The following PPP2R2B variants were observed in gnomAD, a reference collection of about 807,000 sequenced individuals.
The protein encoded by PPP2R2B is protein phosphatase 2 regulatory subunit Bbeta, also known as serine/threonine-protein phosphatase 2A 55 kDa regulatory subunit B beta isoform.
In PPP2R2B, 5 loss-of-function variants were observed where a neutral mutation model predicts 46.0. The observed-to-expected ratio is 0.11, with a 90% CI of 0.06 to 0.23. PPP2R2B has a LOEUF of 0.23. Ranked by LOEUF, PPP2R2B falls within the 10% of genes least tolerant of loss-of-function variation. The pLI is 1.00. For missense variants in PPP2R2B, 367 were observed against 575.0 expected (o/e 0.64, Z 3.70); for synonymous variants, 215 against 206.7 (o/e 1.04, Z -0.34).
chr5:146,819,552 A>T (rs1758134182), intron 2 of PPP2R2B, among the ~76,000 whole-genome samples: 1 of 152,202 alleles, frequency 6.6e-6, no homozygotes, highest in African/African-American at 2.4e-5. Flanking sequence ...AATTCCAGAA[A>T]ATGTACTATT....
intron 2 of PPP2R2B, among the ~76,000 whole-genome samples, chr5:146,877,239 A>C (rs1761947537): frequency 6.6e-6 from 1 of 152,144 alleles, no homozygotes; most frequent in African/African-American, 2.4e-5. Context: ...TTATGTCAGA[A>C]CAAGCTGGGA....
intron 2 of PPP2R2B, among the ~76,000 whole-genome samples, chr5:146,717,847 C>T (rs1417211004): frequency 1.3e-5 from 2 of 152,118 alleles, no homozygotes; most frequent in Admixed American, 6.5e-5. Context: ...AAACTAGTCC[C>T]CCGTCCTCCC....
At chr5:146,872,918 C>T (rs1761697110) in intron 2 of PPP2R2B, among the ~76,000 whole-genome samples, 1 of 152,194 alleles carries the variant, frequency 6.6e-6, no homozygotes, top group East Asian at 1.9e-4. Context: ...ATGTTCTTAT[C>T]TGAGGCATCT....
intron 1 of PPP2R2B, among the ~76,000 whole-genome samples, chr5:147,029,752 G>A (rs1481334783): frequency 6.6e-6 from 1 of 152,116 alleles, no homozygotes; most frequent in African/African-American, 2.4e-5. Context: ...ACGCATAAAG[G>A]AAAGGCCATG....
At chr5:146,681,979 G>A (rs186850531) in intron 5 of PPP2R2B, among the ~76,000 whole-genome samples, 1 of 152,282 alleles carries the variant, frequency 6.6e-6, no homozygotes, top group Admixed American at 6.5e-5. Context: ...GCCATTGAGT[G>A]TACATATGGG....
At chr5:146,744,035 C>A (rs774600826) in intron 2 of PPP2R2B, among the ~76,000 whole-genome samples, 2 of 151,634 alleles carry the variant, frequency 1.3e-5, no homozygotes, top group Non-Finnish European at 2.9e-5. Flanking sequence ...CATACCATGC[C>A]TGGAAATTAT....
upstream of PPP2R2B, among the ~76,000 whole-genome samples, chr5:146,879,459 C>A (rs143434990): frequency 3.9e-4 from 60 of 152,288 alleles, no homozygotes; most frequent in African/African-American, 1.3e-3. Context: ...CAAATTATTG[C>A]AGCCTCTCCG....
intron 2 of PPP2R2B, among the ~76,000 whole-genome samples, chr5:146,714,174 T>A (rs1780360201): frequency 6.6e-6 from 1 of 152,138 alleles, no homozygotes; most frequent in African/African-American, 2.4e-5. Flanking sequence ...GGAAACCAAG[T>A]GAAGTTCAGA....
At chr5:146,797,444 C>A (rs1018711478) in intron 2 of PPP2R2B, among the ~76,000 whole-genome samples, 1 of 152,188 alleles carries the variant, frequency 6.6e-6, no homozygotes, top group Non-Finnish European at 1.5e-5. Flanking sequence ...ATTTTTCAAA[C>A]CAACTTGCCT....
chr5:146,964,462 C>G (rs1381415716), intron 1 of PPP2R2B, among the ~76,000 whole-genome samples: 1 of 152,056 alleles, frequency 6.6e-6, no homozygotes, highest in Admixed American at 6.6e-5. Context: ...CTTGCAGGAC[C>G]AGCCCGCAAC....
chr5:147,051,293 T>C (rs1756803647), intron 1 of PPP2R2B, among the ~76,000 whole-genome samples: 1 of 152,178 alleles, frequency 6.6e-6, no homozygotes, highest in African/African-American at 2.4e-5. Flanking sequence ...TCCTCATCTA[T>C]AACATGGAGA....
intron 2 of PPP2R2B, among the ~76,000 whole-genome samples, chr5:147,076,214 G>GT (rs1757759404): frequency 6.6e-6 from 1 of 152,118 alleles, no homozygotes; most frequent in Non-Finnish European, 1.5e-5. Flanking sequence ...ATAAACTAGG[G>GT]TATATGTACC....
intron 2 of PPP2R2B, among the ~76,000 whole-genome samples, chr5:146,738,202 G>A (rs905510463): frequency 6.6e-6 from 1 of 151,514 alleles, no homozygotes; most frequent in East Asian, 1.9e-4. Context: ...CGAGACCATC[G>A]TGGCTAACAC....
chr5:146,871,827 G>A lies in PPP2R2B; in HGVS notation c.70+6175C>T, dbSNP rs62373291. 6.7e-3 allele frequency among the ~76,000 whole-genome samples: 1,026 copies of A among 152,308 alleles called. 8 individuals carry two copies. The highest frequency in any genetic ancestry group is 0.01 in the Non-Finnish European group (704 of 68,032). On this transcript the variant is annotated intron_variant, in intron 2 of 9. Coordinates refer to ENST00000394411, the MANE Select transcript of PPP2R2B (RefSeq NM_181675.4). ...ACAAGTGAGTATGTTTGTAATACAT[G>A]TGTATTTGTTATGCAAGTTCCTTTG...
intron 2 of PPP2R2B, among the ~76,000 whole-genome samples, chr5:146,744,030 C>A (rs1164396222): frequency 6.6e-6 from 1 of 151,950 alleles, no homozygotes; most frequent in African/African-American, 2.4e-5. Flanking sequence ...TTATTCATAC[C>A]ATGCCTGGAA....
chr5:146,698,640 G>A (rs1173071678), intron 3 of PPP2R2B, among the ~76,000 whole-genome samples: 3 of 151,820 alleles, frequency 2.0e-5, no homozygotes, highest in Non-Finnish European at 2.9e-5. Context: ...AATCTCTGAG[G>A]TAGGGTGGGG....
intron 1 of PPP2R2B, among the ~76,000 whole-genome samples, chr5:146,940,079 A>G (rs755016457): frequency 2.0e-4 from 30 of 152,204 alleles, no homozygotes; most frequent in Non-Finnish European, 4.1e-4. Flanking sequence ...AGTGCCATGG[A>G]AGTCTAGGTC....
intron 2 of PPP2R2B, among the ~76,000 whole-genome samples, chr5:146,877,184 A>T (rs78000487): frequency 6.6e-6 from 1 of 152,212 alleles, no homozygotes; most frequent in Admixed American, 6.5e-5. Flanking sequence ...GCAGAATGAG[A>T]TTCCACCTGC....
intron 1 of PPP2R2B, among the ~76,000 whole-genome samples, chr5:147,032,766 C>A (rs1048557457): frequency 5.9e-5 from 9 of 152,114 alleles, no homozygotes; most frequent in African/African-American, 2.2e-4. Context: ...TATTGATGGG[C>A]ATTTGGATTG....
Sources: allele counts gnomAD v4.1 joint callset (sites outside exome capture counted in the v4.1 genomes callset), GRCh38; gene constraint gnomAD v4.1.1; transcripts MANE v1.5; gene names NCBI Gene and HGNC (gene_info 2026-07-23, HGNC 2026-07-21).